COL28A1: variants seen among roughly 807,000 people sequenced by gnomAD.
COL28A1 encodes the protein collagen alpha-1(XXVIII) chain.
A neutral mutation model predicts 150.2 loss-of-function variants in COL28A1; 161 were observed. The ratio of observed to expected loss-of-function variants is 1.07; its 90% confidence interval spans 0.94 to 1.22. COL28A1 has a LOEUF of 1.22. Ranked by LOEUF, COL28A1 falls within the 50% of genes most tolerant of loss-of-function variation. COL28A1 has a pLI of 0.00. For synonymous variants in COL28A1, 552 were observed against 469.7 expected, an observed-to-expected ratio of 1.18 and a Z score of -2.26; for missense variants, 1,617 against 1,388.3, an observed-to-expected ratio of 1.16 and a Z score of -2.62.
rs944661833 is a variant in COL28A1 at position 7,535,056 on chromosome 7, TA to T, written c.-38+693del. On this transcript the variant is annotated intron_variant, in intron 1 of 34. Transcript: ENST00000399429. Reference sequence around the variant, plus strand: ...TGTTTTATTTTGCCTCTGTTTTTAATAATTCTCACCTTTCTCTCTTTCTGAT... The same window carrying T: ...TGTTTTATTTTGCCTCTGTTTTTAATATTCTCACCTTTCTCTCTTTCTGAT... Among the ~76,000 whole-genome samples the T allele has an allele frequency of 1.1e-3, 169 of 152,298 alleles. 1 individual carries two copies. The highest frequency in any genetic ancestry group is 3.8e-3 in the African/African-American group (157 of 41,582).
chr7:7,388,409 ATTAACGGGCAT>A (rs1158299593), intron 27 of COL28A1, among the ~76,000 whole-genome samples: 2 of 152,128 alleles, frequency 1.3e-5, no homozygotes, highest in Non-Finnish European at 2.9e-5. Context: ...CCAGTCCATC[ATTAACGGGCAT>A]TTGGGTTGGT....
chr7:7,501,587 A>G (rs567968152), intron 11 of COL28A1, among the ~76,000 whole-genome samples: 1 of 152,360 alleles, frequency 6.6e-6, no homozygotes, highest in African/African-American at 2.4e-5. Context: ...GGGCAAACCC[A>G]GTGTTCCACT....
Position 7,376,066 on chromosome 7 carries a change from G to A in COL28A1, c.2323-569C>T, listed in dbSNP as rs561679037. On this transcript the variant is annotated intron_variant, in intron 30 of 34. Transcript: ENST00000399429. ...TTCTGTGACATTTCCCCATGTTCCT[G>A]AACGCCCTTTTCTTGTCCTGCTGCC... is the stretch of plus-strand genomic sequence containing the variant. Among the ~76,000 whole-genome samples the A allele has an allele frequency of 7.9e-5, 12 of 152,166 alleles. No homozygotes were observed. The South Asian group carries it at 2.3e-3, about 29-fold the overall frequency.
chr7:7,509,723 A>C (rs976079669), intron 9 of COL28A1, among the ~76,000 whole-genome samples: 2 of 152,162 alleles, frequency 1.3e-5, no homozygotes, highest in African/African-American at 4.8e-5. Flanking sequence ...GAAATATGAT[A>C]TCCTTTGTCA....
chr7:7,415,057 C>T (rs920610365), intron 27 of COL28A1, among the ~76,000 whole-genome samples: 2 of 152,172 alleles, frequency 1.3e-5, no homozygotes, highest in African/African-American at 4.8e-5. Flanking sequence ...GAATGACTGG[C>T]TGAAGAGCCA....
downstream of COL28A1, among the ~76,000 whole-genome samples, chr7:7,353,554 C>T (rs1024319736): frequency 6.6e-6 from 1 of 152,118 alleles, no homozygotes; most frequent in Non-Finnish European, 1.5e-5. Flanking sequence ...TAATAAACCT[C>T]GATCATTGAG....
chr7:7,417,546 G>GA (rs1562590884), intron 27 of COL28A1: 40 of 85,604 alleles, frequency 4.7e-4, no homozygotes, highest in African/African-American at 1.6e-3. Flanking sequence ...GGGAGGGGGG[G>GA]GGGAGAGAGA....
In COL28A1 at chr7:7,437,448, A is replaced by G. The variant is rs999623650; in HGVS notation, c.1737T>C (p.Ile579=). ...TTCCAGGCATTCCAAAAGGGCCCAT[A>G]ATGCCCGGTTCACCCTTAAAAAGAG... ...GPEGPKGEPG[I]MGPFGMPGTS... is the part of the protein sequence containing the mutation. The change falls in exon 22 of 35, where the codon ATT becomes ATC. Residue 579 remains isoleucine, a synonymous_variant. Coordinates refer to ENST00000399429, the MANE Select transcript of COL28A1 (RefSeq NM_001037763.3). The G allele has an allele frequency of 2.5e-6, 4 of 1,613,584 alleles. No individual in the cohort carries two copies. Among genetic ancestry groups the G allele is most frequent in the African/African-American group, 2.7e-5 (2 of 74,898 alleles).
intron 11 of COL28A1, among the ~76,000 whole-genome samples, chr7:7,495,166 C>T (rs1012387764): frequency 6.6e-6 from 1 of 152,080 alleles, no homozygotes. Context: ...TTAATAAATA[C>T]AAAATATTAT....
At chr7:7,525,257 A>C (rs1368174559) in intron 3 of COL28A1, among the ~76,000 whole-genome samples, 1 of 152,252 alleles carries the variant, frequency 6.6e-6, no homozygotes, top group Non-Finnish European at 1.5e-5. Flanking sequence ...TGTCATATGT[A>C]CCATACAGGA....
chr7:7,460,937 G>C (rs933504644), intron 15 of COL28A1, among the ~76,000 whole-genome samples: 2 of 152,138 alleles, frequency 1.3e-5, no homozygotes, highest in African/African-American at 2.4e-5. Context: ...CACTCGGATG[G>C]AAAGAACAGC....
At chr7:7,518,342 G>A (rs759332452) in intron 6 of COL28A1, among the ~76,000 whole-genome samples, 9 of 152,126 alleles carry the variant, frequency 5.9e-5, no homozygotes, top group Non-Finnish European at 1.0e-4. Flanking sequence ...GCATCAGTTT[G>A]GACGTATATA....
chr7:7,422,104 T>C (rs1784411862), intron 25 of COL28A1, among the ~76,000 whole-genome samples: 1 of 152,220 alleles, frequency 6.6e-6, no homozygotes, highest in Non-Finnish European at 1.5e-5. Flanking sequence ...GACTGATTCA[T>C]ACACTTTGCT....
chr7:7,436,208 T>G (rs574094921), intron 23 of COL28A1, among the ~76,000 whole-genome samples, 187 bp downstream of exon 23: 1 of 152,204 alleles, frequency 6.6e-6, no homozygotes, highest in East Asian at 1.9e-4. Context: ...AAGAGCTACT[T>G]TTCCCCACAA....
intron 2 of COL28A1, among the ~76,000 whole-genome samples, chr7:7,532,504 C>T (rs77652263): frequency 3.3e-5 from 5 of 151,988 alleles, no homozygotes; most frequent in Non-Finnish European, 7.4e-5. Context: ...TGGCAATCTC[C>T]GTCCTGCCTA....
intron 33 of COL28A1, among the ~76,000 whole-genome samples, chr7:7,368,160 T>C (rs1781035085): frequency 6.6e-6 from 1 of 152,164 alleles, no homozygotes. Context: ...CAAATATGAC[T>C]ATATGATTCT....
chr7:7,431,420 G>A, intron 25 of COL28A1: 1 of 417,268 alleles, frequency 2.4e-6, no homozygotes, highest in African/African-American at 2.1e-5. Flanking sequence ...CACGCTACAT[G>A]GAAAACATAC....
chr7:7,409,907 A>G (rs1317011057), intron 27 of COL28A1, among the ~76,000 whole-genome samples: 1 of 152,212 alleles, frequency 6.6e-6, no homozygotes, highest in Non-Finnish European at 1.5e-5. Flanking sequence ...GCCCCACTCA[A>G]TTGAGAGCCT....
chr7:7,532,870 C>T lies in COL28A1; in HGVS notation c.6G>A (p.Trp2Ter), dbSNP rs930118327. M[W>*]NRYFVFYLLL... Reference sequence around the variant, plus strand: ...GGAGATAGAAGACAAAATATCTGTTCCACATTATGGTAGATGGTGAAAAAT... The same window carrying T: ...GGAGATAGAAGACAAAATATCTGTTTCACATTATGGTAGATGGTGAAAAAT... Residue 2 changes from tryptophan to a stop codon, truncating the protein, a stop_gained, in exon 2 of 35, where the codon TGG becomes TGA. Coordinates refer to ENST00000399429, the MANE Select transcript of COL28A1 (RefSeq NM_001037763.3). LOFTEE classifies it high-confidence loss of function. 6.2e-7 allele frequency: 1 copy of T among 1,608,096 alleles called. No homozygotes were observed. The highest frequency in any genetic ancestry group is 1.3e-5 in the African/African-American group (1 of 74,658).
Sources: gnomAD v4.1 joint callset for allele counts (sites outside exome capture counted in the v4.1 genomes callset) on GRCh38, gnomAD v4.1.1 for gene constraint, MANE v1.5 for transcripts, NCBI Gene and HGNC (gene_info 2026-07-23, HGNC 2026-07-21) for gene names.